SYNGR4: variants seen among roughly 807,000 people sequenced by gnomAD.
The protein encoded by SYNGR4 is synaptogyrin-4.
Under a neutral mutation model 15.5 loss-of-function variants are expected in SYNGR4, and 15 were observed. The ratio of observed to expected loss-of-function variants is 0.97; its 90% CI spans 0.65 to 1.49. SYNGR4 has a LOEUF of 1.49. SYNGR4 is among the 40% of genes most tolerant of loss of function. The pLI is 0.00. For synonymous variants in SYNGR4, 121 were observed against 127.4 expected, an observed-to-expected ratio of 0.95 and a Z score of 0.34; for missense variants, 292 against 299.3, an observed-to-expected ratio of 0.98 and a Z score of 0.18.
In SYNGR4 at chr19:48,376,130, C is replaced by A. The variant is rs866839563; in HGVS notation, c.517C>A (p.Pro173Thr). The A allele has an allele frequency of 1.9e-6, 3 of 1,614,088 alleles. No homozygotes were observed. The highest frequency in any genetic ancestry group is 2.5e-6 in the Non-Finnish European group (3 of 1,179,996). Reference sequence around the variant, plus strand: ...ATTCCAGGACCTCCGAAATGATGCTCCAGTCCCTTACAAGCGCTTCCTGGA... The same window carrying A: ...ATTCCAGGACCTCCGAAATGATGCTACAGTCCCTTACAAGCGCTTCCTGGA... ...LAFQDLRNDAPVPYKRFLDEG... is the reference protein window; with the variant it reads ...LAFQDLRNDATVPYKRFLDEG... The change falls in exon 5 of 5, where the codon CCA becomes ACA. Residue 173 changes from proline to threonine, a missense_variant. Coordinates refer to ENST00000344846, the MANE Select transcript of SYNGR4 (RefSeq NM_012451.4).
intron 1 of SYNGR4, 141 bp from the exon 2 acceptor site, chr19:48,365,595 G>C: frequency 2.0e-6 from 1 of 512,208 alleles, no homozygotes; most frequent in South Asian, 2.1e-5. Context: ...CTCCTAAGAG[G>C]CTCAGCAGTC....
At chr19:48,371,844 G>C (rs1313943309) in intron 2 of SYNGR4, among the ~76,000 whole-genome samples, 1 of 150,342 alleles carries the variant, frequency 6.7e-6, no homozygotes, top group African/African-American at 2.5e-5. Context: ...GGCCTCCCAA[G>C]TGTTGGGATT....
chr19:48,370,680 C>T (rs1265372867), intron 2 of SYNGR4, among the ~76,000 whole-genome samples: 1 of 152,132 alleles, frequency 6.6e-6, no homozygotes, highest in Non-Finnish European at 1.5e-5. Context: ...CCGCCTTAAC[C>T]TCCCAAAGCA....
At chr19:48,365,615 C>A in intron 1 of SYNGR4, 121 bp from the exon 2 acceptor site, 1 of 547,492 alleles carries the variant, frequency 1.8e-6, no homozygotes, top group Non-Finnish European at 3.3e-6. Context: ...CCCCTCACCC[C>A]ACACAACTCC....
chr19:48,374,076 CTTTTT>C (rs946583656), intron 3 of SYNGR4, among the ~76,000 whole-genome samples: 1 of 132,740 alleles, frequency 7.5e-6, no homozygotes, highest in Non-Finnish European at 1.6e-5. Context: ...GAAAATCTCT[CTTTTT>C]TTTTTTTTTT....
chr19:48,368,959 C>T (rs1390783705), intron 2 of SYNGR4, among the ~76,000 whole-genome samples: 2 of 152,186 alleles, frequency 1.3e-5, no homozygotes, highest in Non-Finnish European at 2.9e-5. Flanking sequence ...AAGTCCAACT[C>T]GGATCCACCC....
chr19:48,373,037 G>C (rs534493409), intron 2 of SYNGR4: 1 of 168,060 alleles, frequency 6.0e-6, no homozygotes, highest in Admixed American at 5.8e-5. Flanking sequence ...TTTTATATGG[G>C]TACCTGGGTT....
At chr19:48,367,514 G>A (rs908218247) in intron 2 of SYNGR4, among the ~76,000 whole-genome samples, 2 of 152,032 alleles carry the variant, frequency 1.3e-5, no homozygotes. Context: ...CTAAGGTCAC[G>A]CAGTAACAGG....
intron 4 of SYNGR4, 61 bp from the exon 5 acceptor site, chr19:48,376,024 A>T (rs748666290): frequency 3.1e-6 from 5 of 1,612,316 alleles, no homozygotes; most frequent in Non-Finnish European, 1.7e-6. Flanking sequence ...TCCCCAGCCC[A>T]GTCCCTCTCC....
At chr19:48,367,043 A>T (rs922278700) in intron 2 of SYNGR4, among the ~76,000 whole-genome samples, 2 of 151,564 alleles carry the variant, frequency 1.3e-5, no homozygotes, top group Non-Finnish European at 2.9e-5. Flanking sequence ...AGTCCCAGTT[A>T]CTTAGGGGGC....
Position 48,373,644 on chromosome 19 carries a change from T to TCCTGGCCTTCCTCAGCTG in SYNGR4, c.235_252dup (p.Ser79_Leu84dup), listed in dbSNP as rs769552866. On this transcript the variant is annotated inframe_insertion, in exon 3 of 5. Transcript: ENST00000344846. Reference sequence around the variant, plus strand: ...TGCAGCTTTGCCGTGGGAGCCGGCTTCCTGGCCTTCCTCAGCTGCCTGGCC... The same window carrying TCCTGGCCTTCCTCAGCTG: ...TGCAGCTTTGCCGTGGGAGCCGGCTTCCTGGCCTTCCTCAGCTGCCTGGCCTTCCTCAGCTGCCTGGCC... The TCCTGGCCTTCCTCAGCTG allele has an allele frequency of 1.2e-5, 19 of 1,613,740 alleles. No homozygotes were observed. The South Asian group carries it at 1.9e-4, about 16-fold the overall frequency.
intron 2 of SYNGR4, among the ~76,000 whole-genome samples, chr19:48,370,766 C>A (rs888940150): frequency 6.6e-6 from 1 of 152,154 alleles, no homozygotes; most frequent in African/African-American, 2.4e-5. Context: ...TAGCCTACCC[C>A]CGCCATCCCC....
At chr19:48,370,305 G>T (rs1398803737) in intron 2 of SYNGR4, among the ~76,000 whole-genome samples, 1 of 152,070 alleles carries the variant, frequency 6.6e-6, no homozygotes, top group Non-Finnish European at 1.5e-5. Context: ...GTGCAACATA[G>T]CAATACCGTC....
Position 48,376,268 on chromosome 19 carries a change from T to C in SYNGR4, c.655T>C (p.Cys219Arg). Residue 219 changes from cysteine to arginine, a missense_variant, in exon 5 of 5, where the codon TGT (cysteine) becomes CGT (arginine). Cys to Arg is a radical substitution (Grantham distance 180). Coordinates refer to ENST00000344846, the MANE Select transcript of SYNGR4 (RefSeq NM_012451.4). ...TTATGCTAGCTCTGCCCTGTCCCCC[T>C]GTCTGACCGCTCCAAAGTCCCCCCG... ...LSYASSALSPCLTAPKSPRLA... is the reference protein window; with the variant it reads ...LSYASSALSPRLTAPKSPRLA... 1.2e-6 allele frequency: 2 copies of C among 1,613,506 alleles called. No homozygotes were observed. Among genetic ancestry groups the C allele is most frequent in the Non-Finnish European group, 1.7e-6 (2 of 1,179,836 alleles).
At chr19:48,369,175 C>A (rs796676551) in intron 2 of SYNGR4, among the ~76,000 whole-genome samples, 4 of 143,990 alleles carry the variant, frequency 2.8e-5, no homozygotes, top group African/African-American at 9.9e-5. Context: ...AGTAGGGAGT[C>A]TCTGGGCAGC....
chr19:48,376,270 T>C lies in SYNGR4; in HGVS notation c.657T>C (p.Cys219=), dbSNP rs1384789184. Residue 219 remains cysteine (C), a synonymous_variant, in exon 5 of 5, where the codon TGT becomes TGC. Coordinates refer to ENST00000344846, the MANE Select transcript of SYNGR4 (RefSeq NM_012451.4). ...LSYASSALSP[C]LTAPKSPRLA... is the part of the protein sequence containing the mutation. ...ATGCTAGCTCTGCCCTGTCCCCCTG[T>C]CTGACCGCTCCAAAGTCCCCCCGGC... 1 of 1,613,438 alleles carries C rather than the reference T, an allele frequency of 6.2e-7. No individual in the cohort carries two copies. The highest frequency in any genetic ancestry group is 8.5e-7 in the Non-Finnish European group (1 of 1,179,880).
At chr19:48,374,181 G>A (rs554613965) in intron 3 of SYNGR4, among the ~76,000 whole-genome samples, 8 of 150,610 alleles carry the variant, frequency 5.3e-5, no homozygotes, top group Admixed American at 1.3e-4. Flanking sequence ...GGGTTCAAGC[G>A]ATTCTCCTGT....
Position 48,365,717 on chromosome 19 carries a change from C to T in SYNGR4, c.-107-19C>T. On this transcript the variant is annotated intron_variant, in intron 1 of 4. Transcript: ENST00000344846. ...CCCCGTGCCCCTGACTGGCATCCCC[C>T]ATCTGTGTCATCCCACAGCAGCCAA... The T allele has an allele frequency of 2.0e-6, 2 of 1,008,524 alleles. No homozygotes were observed. Among genetic ancestry groups the T allele is most frequent in the Non-Finnish European group, 1.5e-6 (1 of 668,296 alleles). 62.5% of individuals were successfully genotyped at this position (1,008,524 alleles called of 1,614,324 possible).
intron 3 of SYNGR4, among the ~76,000 whole-genome samples, chr19:48,375,159 G>A: frequency 6.6e-6 from 1 of 151,334 alleles, no homozygotes; most frequent in South Asian, 2.1e-4. Flanking sequence ...CTGAGTAGCT[G>A]GGACTACAGG....
Sources: allele counts gnomAD v4.1 joint callset (sites outside exome capture counted in the v4.1 genomes callset), GRCh38; gene constraint gnomAD v4.1.1; transcripts MANE v1.5; gene names NCBI Gene and HGNC (gene_info 2026-07-23, HGNC 2026-07-21).